The following PCDHA1 variants were observed in gnomAD, a reference collection of about 807,000 sequenced individuals.
PCDHA1 encodes protocadherin alpha-1.
PCDHA1 carries 42 observed loss-of-function variants against 61.3 expected under a neutral mutation model. The observed-to-expected ratio is 0.69, with a 90% CI of 0.54 to 0.89. The LOEUF (loss-of-function observed/expected upper bound fraction) is 0.89, where lower values mean the gene tolerates loss of function less well. PCDHA1 is among the 40% of genes least tolerant of loss of function. The probability of loss-of-function intolerance (pLI) is 0.00; values close to 1 mark genes in which losing one functional copy is unlikely to be tolerated. For missense variants in PCDHA1, 1,256 were observed against 1,235.3 expected, an observed-to-expected ratio of 1.02 and a Z score of -0.25; for synonymous variants, 610 against 553.8, an observed-to-expected ratio of 1.10 and a Z score of -1.43.
intron 1 of PCDHA1, chr5:140,841,790 G>T (rs2150322746): frequency 6.2e-7 from 1 of 1,613,884 alleles, no homozygotes. Flanking sequence ...GCTAGAGGGC[G>T]CGTCCGATGC....
intron 1 of PCDHA1, chr5:140,797,001 G>T: frequency 6.2e-7 from 1 of 1,613,708 alleles, no homozygotes. Context: ...CCAAGGCCTC[G>T]TCGCGGGCGT....
At chr5:141,006,085 C>T (rs1588120524) in intron 3 of PCDHA1, among the ~76,000 whole-genome samples, 1 of 148,094 alleles carries the variant, frequency 6.8e-6, no homozygotes, top group African/African-American at 2.5e-5. Context: ...ATTGAAGGGA[C>T]TTATGTATCA....
rs781959040 is a variant in PCDHA1 at position 140,968,057 on chromosome 5, C to A, written c.2395-10892C>A. 2.5e-6 allele frequency: 4 copies of A among 1,613,992 alleles called. 1 individual carries two copies. Among genetic ancestry groups the A allele is most frequent in the South Asian group, 2.2e-5 (2 of 91,082 alleles). ...GGTGAGCGGCCCACTGGACCGAGAGCGGGTGGCTGTCTACAACATCACGGT... is the reference window on the plus strand; with the variant it reads ...GGTGAGCGGCCCACTGGACCGAGAGAGGGTGGCTGTCTACAACATCACGGT... On this transcript the variant is annotated intron_variant, in intron 1 of 3. Transcript: ENST00000504120.
At chr5:140,968,245 C>T (rs2096233117) in intron 1 of PCDHA1, 2 of 1,614,038 alleles carry the variant, frequency 1.2e-6, no homozygotes, top group Non-Finnish European at 1.7e-6. Flanking sequence ...CTGTGCAAGC[C>T]ACAGACCCAG....
chr5:140,835,475 A>G (rs141258579), intron 1 of PCDHA1: 5 of 1,613,920 alleles, frequency 3.1e-6, no homozygotes, highest in Middle Eastern at 1.6e-4. Context: ...AGGACGCCCA[A>G]CCAGGTACCG....
chr5:140,877,317 G>C (rs535177109), intron 1 of PCDHA1: 5 of 1,614,004 alleles, frequency 3.1e-6, no homozygotes, highest in Admixed American at 1.7e-5. Context: ...AACCGGCGGC[G>C]GTCGGCGCGC....
At chr5:140,969,145 C>T (rs782791096) in intron 1 of PCDHA1, 1 of 1,614,168 alleles carries the variant, frequency 6.2e-7, no homozygotes, top group South Asian at 1.1e-5. Context: ...CCTACTGCTA[C>T]AAGGCCTGTC....
intron 1 of PCDHA1, chr5:140,860,659 T>C (rs1310065546): frequency 1.3e-5 from 2 of 152,224 alleles, no homozygotes; most frequent in Non-Finnish European, 2.9e-5. Context: ...AGTGAAATAA[T>C]ATGAAATCAA....
chr5:141,009,021 G>A (rs997779963), intron 3 of PCDHA1, among the ~76,000 whole-genome samples: 1 of 152,246 alleles, frequency 6.6e-6, no homozygotes, highest in Non-Finnish European at 1.5e-5. Context: ...TTTAGGCTCT[G>A]TATTTCCCAT....
At chr5:140,863,267 C>A in intron 1 of PCDHA1, 4 of 1,457,908 alleles carry the variant, frequency 2.7e-6, no homozygotes, top group Non-Finnish European at 2.8e-6. Context: ...CGGGAGGCAG[C>A]GCTGGTGGAT....
chr5:140,807,534 T>C (rs782811341), intron 1 of PCDHA1: 112 of 1,614,006 alleles, frequency 6.9e-5, no homozygotes, highest in Middle Eastern at 6.6e-4. Flanking sequence ...CCGCTGCAGG[T>C]TTTCCATGTG....
chr5:140,828,565 C>T (rs2150156833), intron 1 of PCDHA1: 65 of 1,614,050 alleles, frequency 4.0e-5, no homozygotes, highest in Admixed American at 6.7e-5. Context: ...AGGGCGCGTC[C>T]GATGCAGATG....
intron 1 of PCDHA1, chr5:140,871,435 G>T: frequency 6.2e-7 from 1 of 1,612,454 alleles, no homozygotes; most frequent in Non-Finnish European, 8.5e-7. Context: ...TCTTCCTCTA[G>T]GTCTGAATAA....
intron 1 of PCDHA1, chr5:140,795,320 T>A (rs555159922): frequency 6.2e-7 from 1 of 1,614,132 alleles, no homozygotes; most frequent in South Asian, 1.1e-5. Flanking sequence ...GTTTTCCATG[T>A]GGAAGTGGAG....
chr5:140,869,778 C>A (rs782226363), intron 1 of PCDHA1: 1 of 1,612,922 alleles, frequency 6.2e-7, no homozygotes, highest in Non-Finnish European at 8.5e-7. Context: ...TTACTGGCAC[C>A]GTTCGGCTGT....
chr5:140,809,505 G>A (rs782212508), intron 1 of PCDHA1: 4 of 1,614,224 alleles, frequency 2.5e-6, no homozygotes, highest in African/African-American at 1.3e-5. Flanking sequence ...ATGGCCTTCA[G>A]CCCCAGTTTA....
At chr5:140,887,438 A>T (rs540823028) in intron 1 of PCDHA1, among the ~76,000 whole-genome samples, 3 of 152,268 alleles carry the variant, frequency 2.0e-5, no homozygotes, top group Admixed American at 6.5e-5. Flanking sequence ...TTCACTGGGC[A>T]TAGTTGACAG....
chr5:140,807,818 G>A, intron 1 of PCDHA1: 1 of 1,614,106 alleles, frequency 6.2e-7, no homozygotes, highest in Non-Finnish European at 8.5e-7. Context: ...GATTTTTTTA[G>A]TGCTCACAGC....
At chr5:140,975,307 A>G (rs1190412792) in intron 1 of PCDHA1, among the ~76,000 whole-genome samples, 1 of 152,162 alleles carries the variant, frequency 6.6e-6, no homozygotes, top group Non-Finnish European at 1.5e-5. Context: ...AGCTCATGTG[A>G]TTATGTCAGT....
Sources: gnomAD v4.1 joint callset for allele counts (sites outside exome capture counted in the v4.1 genomes callset) on GRCh38, gnomAD v4.1.1 for gene constraint, MANE v1.5 for transcripts, NCBI Gene and HGNC (gene_info 2026-07-23, HGNC 2026-07-21) for gene names.